GIMAP6: variants seen among roughly 807,000 people sequenced by gnomAD.
The protein encoded by GIMAP6 is GTPase, IMAP family member 6.
In GIMAP6, 6 loss-of-function variants were observed where a neutral mutation model predicts 9.3. That is an observed-to-expected ratio of 0.65 (90% confidence interval 0.35 to 1.27). The LOEUF is 1.27. Among genes scored for constraint, GIMAP6 ranks in the 50% most tolerant of loss-of-function variants. GIMAP6 has a pLI of 0.03. For missense variants in GIMAP6, 333 were observed against 359.5 expected (o/e 0.93, Z 0.60); for synonymous variants, 156 against 151.1 (o/e 1.03, Z -0.24).
intron 2 of GIMAP6, among the ~76,000 whole-genome samples, chr7:150,629,311 T>C (rs1051870510): frequency 2.0e-5 from 3 of 152,212 alleles, no homozygotes; most frequent in Admixed American, 6.5e-5. Flanking sequence ...GTCAAACAGG[T>C]GTTACACAGG....
Position 150,628,255 on chromosome 7 carries a change from C to T in GIMAP6, c.343G>A (p.Ala115Thr). The T allele has an allele frequency of 6.2e-7, 1 of 1,614,100 alleles. No homozygotes were observed. The highest frequency in any genetic ancestry group is 8.5e-7 in the Non-Finnish European group (1 of 1,179,950). The change falls in exon 3 of 3, where the codon GCC becomes ACC. Residue 115 changes from alanine (A) to threonine (T), a missense_variant. By Grantham distance (58) the Ala-to-Thr change is moderately conservative (BLOSUM62 0). Coordinates refer to ENST00000328902, the MANE Select transcript of GIMAP6 (RefSeq NM_024711.6). ...SPEVADAICQ[A>T]IVLSAPGPHA... is the part of the protein sequence containing the mutation. ...GGCCCTGGGGCGGATAAGACGATGG[C>T]TTGGCAGATAGCGTCTGCCACCTCT...
chr7:150,629,002 T>A (rs1796348915), intron 2 of GIMAP6, among the ~76,000 whole-genome samples: 1 of 152,238 alleles, frequency 6.6e-6, no homozygotes, highest in Admixed American at 6.5e-5. Flanking sequence ...CAGGCCTTGC[T>A]GTGGCCTGAC....
intron 1 of GIMAP6, among the ~76,000 whole-genome samples, chr7:150,630,598 C>A (rs1277952255): frequency 6.6e-6 from 1 of 152,084 alleles, no homozygotes; most frequent in Non-Finnish European, 1.5e-5. Flanking sequence ...GCCTGGAGGA[C>A]GTGAATGAGT....
Position 150,628,056 on chromosome 7 carries a change from T to C in GIMAP6, c.542A>G (p.Asn181Ser), listed in dbSNP as rs747155481. ...GSLEDYVRETNNQALAWLDVT... is the reference protein window; with the variant it reads ...GSLEDYVRETSNQALAWLDVT... ...ATCCAGCCAGGCAAGGGCCTGGTTG[T>C]TGGTCTCTCGCACATAGTCTTCCAG... Residue 181 changes from asparagine to serine, a missense_variant, in exon 3 of 3, where the codon AAC becomes AGC. By Grantham distance (46) the Asn-to-Ser change is conservative. Coordinates refer to ENST00000328902, the MANE Select transcript of GIMAP6 (RefSeq NM_024711.6). 12 of 1,614,084 alleles carry C rather than the reference T, an allele frequency of 7.4e-6. No individual in the cohort carries two copies. In the Admixed American group the frequency reaches 1.7e-4, roughly 22 times the overall value.
chr7:150,628,027 T>C lies in GIMAP6; in HGVS notation c.571A>G (p.Thr191Ala). ...AAGCCGCAATGGCGCCGTGCAAGGG[T>C]CACATCCAGCCAGGCAAGGGCCTGG... ...NNQALAWLDVTLARRHCGFNN... is the reference protein window; with the variant it reads ...NNQALAWLDVALARRHCGFNN... Residue 191 changes from threonine to alanine, a missense_variant, in exon 3 of 3, where the codon ACC becomes GCC. By Grantham distance (58) the Thr-to-Ala change is moderately conservative (BLOSUM62 0). Transcript: ENST00000328902. 6.2e-7 allele frequency: 1 copy of C among 1,614,222 alleles called. No individual in the cohort carries two copies. The highest frequency in any genetic ancestry group is 8.5e-7 in the Non-Finnish European group (1 of 1,180,040).
rs773213124 is a variant in GIMAP6, at chr7:150,625,744, T to C, written c.*1975A>G. The C allele has an allele frequency of 6.6e-6, 1 of 151,974 alleles. No individual in the cohort carries two copies. The highest frequency in any genetic ancestry group is 1.5e-5 in the Non-Finnish European group (1 of 67,984). The allele number at this position is 151,974 out of a possible 1,614,324, so 9.4% of individuals were successfully genotyped here. The stretch of plus-strand genomic sequence containing the variant: ...TTACAGAATGATTTTAACTCTCACA[T>C]AGAAGAAAAAAATGCCTGAGAATAA... On this transcript the variant is annotated 3_prime_UTR_variant, in exon 3 of 3. Transcript: ENST00000328902.
At position 150,628,138 on chromosome 7, in the gene GIMAP6, C is replaced by A; in HGVS notation, c.460G>T (p.Val154Phe). The change falls in exon 3 of 3, where the codon GTT becomes TTT. Residue 154 changes from valine (V) to phenylalanine (F), a missense_variant. Transcript: ENST00000328902. Reference protein sequence around the residue: ...RRLQEVFGVGVLGHTILVFTR... With the variant: ...RRLQEVFGVGFLGHTILVFTR... ...AACACCAGGATGGTGTGACCCAGAA[C>A]CCCCACTCCAAAGACCTCCTGCAGG... 1 of 1,614,198 alleles carries A rather than the reference C, an allele frequency of 6.2e-7. No individual in the cohort carries two copies. Among genetic ancestry groups the A allele is most frequent in the Middle Eastern group, 1.6e-4 (1 of 6,062 alleles).
chr7:150,628,106 C>T lies in GIMAP6; in HGVS notation c.492G>A (p.Arg164=), dbSNP rs752898935. ...VLGHTILVFT[R]KEDLAGGSLE... ...GGGAGCCGCCAGCCAGGTCTTCCTTCCGGGTGAACACCAGGATGGTGTGAC... is the reference window on the plus strand; with the variant it reads ...GGGAGCCGCCAGCCAGGTCTTCCTTTCGGGTGAACACCAGGATGGTGTGAC... Residue 164 remains arginine (R), a synonymous_variant, in exon 3 of 3, where the codon CGG becomes CGA. Coordinates refer to ENST00000328902, the MANE Select transcript of GIMAP6 (RefSeq NM_024711.6). 1 of 1,614,208 alleles carries T rather than the reference C, an allele frequency of 6.2e-7. No individual in the cohort carries two copies. Among genetic ancestry groups the T allele is most frequent in the East Asian group, 2.2e-5 (1 of 44,868 alleles).
chr7:150,627,826 CT>C lies in GIMAP6; in HGVS notation c.771del (p.Gly258AlafsTer130). 3.1e-6 allele frequency: 5 copies of C among 1,614,260 alleles called. No individual in the cohort carries two copies. Among genetic ancestry groups the C allele is most frequent in the Non-Finnish European group, 4.2e-6 (5 of 1,180,034 alleles). On this transcript the variant is annotated frameshift_variant, in exon 3 of 3. Transcript: ENST00000328902. LOFTEE classifies it low-confidence loss of function (END_TRUNC). The part of the protein sequence containing the change: ...ELQERQVSQG[Q>X]GSEDVPGEES... ...TCCTCACCAGGCACGTCCTCAGAGC[CT>C]TGGCCCTGGCTTACTTGCCTTTCCT...
chr7:150,628,097 G>T lies in GIMAP6; in HGVS notation c.501C>A (p.Asp167Glu), dbSNP rs1408493110. 1 of 1,614,082 alleles carries T rather than the reference G, an allele frequency of 6.2e-7. No homozygotes were observed. Among genetic ancestry groups the T allele is most frequent in the African/African-American group, 1.3e-5 (1 of 74,938 alleles). ...HTILVFTRKE[D>E]LAGGSLEDYV... is the part of the protein sequence containing the mutation. ...AGTCTTCCAGGGAGCCGCCAGCCAG[G>T]TCTTCCTTCCGGGTGAACACCAGGA... The change falls in exon 3 of 3, where the codon GAC (aspartate) becomes GAA (glutamate). Residue 167 changes from aspartate (D) to glutamate (E), a missense_variant. Transcript: ENST00000328902.
rs1205818749 is a variant in GIMAP6, at chr7:150,628,242, G to A, written c.356C>T (p.Ser119Phe). The change falls in exon 3 of 3, where the codon TCC becomes TTC. Residue 119 changes from serine (S) to phenylalanine (F), a missense_variant. Transcript: ENST00000328902. ...GAGCACGGCGTGGGGCCCTGGGGCGGATAAGACGATGGCTTGGCAGATAGC... is the reference window on the plus strand; with the variant it reads ...GAGCACGGCGTGGGGCCCTGGGGCGAATAAGACGATGGCTTGGCAGATAGC... ...ADAICQAIVL[S>F]APGPHAVLLV... 3 of 1,614,150 alleles carry A rather than the reference G, an allele frequency of 1.9e-6. No homozygotes were observed. The highest frequency in any genetic ancestry group is 2.5e-6 in the Non-Finnish European group (3 of 1,179,990).
In GIMAP6 at chr7:150,627,231, A is replaced by G; in HGVS notation, c.*488T>C. On this transcript the variant is annotated 3_prime_UTR_variant, in exon 3 of 3. Transcript: ENST00000328902. ...TGTCTCAGCACCACTGCCATGTTCC[A>G]GCCACCAGACACAACAGGCACCTTA... 5.5e-6 allele frequency: 1 copy of G among 181,686 alleles called. No individual in the cohort carries two copies. Among genetic ancestry groups the G allele is most frequent in the South Asian group, 1.2e-4 (1 of 8,378 alleles). The allele number at this position is 181,686 out of a possible 1,614,324, so 11.3% of individuals were successfully genotyped here. A position where few individuals can be genotyped will look rare whatever the true frequency, so the allele number is the denominator to read the frequency against.
chr7:150,630,406 A>C (rs1289015918), intron 1 of GIMAP6, among the ~76,000 whole-genome samples: 1 of 152,148 alleles, frequency 6.6e-6, no homozygotes, highest in Non-Finnish European at 1.5e-5. Context: ...TTACAGATAA[A>C]GGTGCAACTG....
chr7:150,629,354 G>A (rs902622323), intron 2 of GIMAP6, among the ~76,000 whole-genome samples: 6 of 152,314 alleles, frequency 3.9e-5, no homozygotes, highest in East Asian at 3.9e-4. Context: ...GTAGGTTAAC[G>A]TGGCTTTTTC....
intron 1 of GIMAP6, among the ~76,000 whole-genome samples, chr7:150,630,558 T>A (rs1470696823): frequency 6.6e-6 from 1 of 152,166 alleles, no homozygotes; most frequent in Non-Finnish European, 1.5e-5. Flanking sequence ...TGATCCTGTG[T>A]TCCCTGGGAG....
intron 1 of GIMAP6, among the ~76,000 whole-genome samples, chr7:150,630,596 G>A (rs1796375413): frequency 6.6e-6 from 1 of 152,210 alleles, no homozygotes; most frequent in African/African-American, 2.4e-5. Flanking sequence ...GTGCCTGGAG[G>A]ACGTGAATGA....
intron 1 of GIMAP6, among the ~76,000 whole-genome samples, chr7:150,630,495 G>T (rs1030700109): frequency 1.3e-5 from 2 of 152,164 alleles, no homozygotes; most frequent in Non-Finnish European, 2.9e-5. Context: ...GGAGGTGGAG[G>T]AAGGGAAGAA....
At chr7:150,630,755 G>C (rs911652351) in intron 1 of GIMAP6, among the ~76,000 whole-genome samples, 1 of 152,252 alleles carries the variant, frequency 6.6e-6, no homozygotes, top group African/African-American at 2.4e-5. Context: ...CCACCAGTTA[G>C]CTCTGTCTGG....
Position 150,628,066 on chromosome 7 carries a change from G to C in GIMAP6, c.532C>G (p.Arg178Gly). 6.2e-7 allele frequency: 1 copy of C among 1,614,172 alleles called. No homozygotes were observed. The highest frequency in any genetic ancestry group is 8.5e-7 in the Non-Finnish European group (1 of 1,180,010). Residue 178 changes from arginine (R) to glycine (G), a missense_variant, in exon 3 of 3, where the codon CGA (arginine) becomes GGA (glycine). Physicochemically the swap from Arg to Gly is moderately radical, Grantham distance 125 (BLOSUM62 -2). Transcript: ENST00000328902. ...LAGGSLEDYV[R>G]ETNNQALAWL... ...GCAAGGGCCTGGTTGTTGGTCTCTC[G>C]CACATAGTCTTCCAGGGAGCCGCCA...
Sources: gnomAD v4.1 joint callset for allele counts (sites outside exome capture counted in the v4.1 genomes callset) on GRCh38, gnomAD v4.1.1 for gene constraint, MANE v1.5 for transcripts, NCBI Gene and HGNC (gene_info 2026-07-23, HGNC 2026-07-21) for gene names.